The following ABCA13 variants were observed in gnomAD, a reference collection of about 807,000 sequenced individuals.
ABCA13 encodes ATP-binding cassette sub-family A member 13.
ABCA13 carries 476 observed loss-of-function variants against 478.7 expected under a neutral mutation model. The ratio of observed to expected loss-of-function variants is 0.99; its 90% confidence interval spans 0.92 to 1.07. The LOEUF is 1.07. ABCA13 is among the 50% of genes least tolerant of loss of function. The probability of loss-of-function intolerance (pLI) is 0.00; values close to 1 mark genes in which losing one functional copy is unlikely to be tolerated. For missense variants in ABCA13, 6,060 were observed against 5,910.6 expected (o/e 1.03, Z -0.83); for synonymous variants, 2,252 against 2,158.9 (o/e 1.04, Z -1.20).
chr7:48,612,982 TA>T (rs1792175390), intron 58 of ABCA13, among the ~76,000 whole-genome samples: 1 of 151,920 alleles, frequency 6.6e-6, no homozygotes, highest in African/African-American at 2.4e-5. Context: ...AGCAAGAAAA[TA>T]GTTTTAAAAT....
At chr7:48,249,391 TC>T in intron 15 of ABCA13, 40 bp downstream of exon 15, 1 of 1,606,746 alleles carries the variant, frequency 6.2e-7, no homozygotes, top group Non-Finnish European at 8.5e-7. Flanking sequence ...GGGGATGCTT[TC>T]CCCTTTTAGT....
At chr7:48,507,182 A>G (rs2130868893) in intron 49 of ABCA13, among the ~76,000 whole-genome samples, 1 of 152,262 alleles carries the variant, frequency 6.6e-6, no homozygotes, top group Non-Finnish European at 1.5e-5. Flanking sequence ...GCTAGCTGAC[A>G]TCTGTTGTAG....
intron 20 of ABCA13, among the ~76,000 whole-genome samples, chr7:48,294,440 T>TG (rs1799063245): frequency 7.5e-6 from 1 of 132,690 alleles, no homozygotes; most frequent in Admixed American, 7.5e-5. Flanking sequence ...TTTTTTTTTT[T>TG]TGTTTTGTTT....
At chr7:48,518,886 GT>G (rs1489491411) in intron 52 of ABCA13, among the ~76,000 whole-genome samples, 2 of 152,038 alleles carry the variant, frequency 1.3e-5, no homozygotes, top group African/African-American at 4.8e-5. Context: ...TGCCATGGTG[GT>G]TTGCTGCACC....
intron 29 of ABCA13, among the ~76,000 whole-genome samples, chr7:48,343,877 C>T (rs751274427): frequency 5.9e-5 from 9 of 152,218 alleles, no homozygotes; most frequent in South Asian, 2.1e-4. Flanking sequence ...AATCTGAAGA[C>T]GACAGCTCTT....
intron 55 of ABCA13, among the ~76,000 whole-genome samples, chr7:48,548,164 G>A (rs1784991267): frequency 6.6e-6 from 1 of 151,822 alleles, no homozygotes; most frequent in Non-Finnish European, 1.5e-5. Context: ...ATTTTCATTT[G>A]TTAGTTTTCA....
intron 60 of ABCA13, 37 bp downstream of exon 60, chr7:48,643,430 G>GC: frequency 6.7e-7 from 1 of 1,488,924 alleles, no homozygotes; most frequent in Non-Finnish European, 9.3e-7. Flanking sequence ...TTTGTTTTCA[G>GC]CTAAAAAAAA....
At chr7:48,440,133 G>A (rs1185401414) in intron 42 of ABCA13, among the ~76,000 whole-genome samples, 3 of 151,912 alleles carry the variant, frequency 2.0e-5, no homozygotes, top group Non-Finnish European at 4.4e-5. Context: ...AACATAAACT[G>A]CATACATCTT....
chr7:48,317,145 T>C lies in ABCA13; in HGVS notation c.9860-12T>C. The C allele has an allele frequency of 1.9e-6, 3 of 1,602,208 alleles. No homozygotes were observed. In the South Asian group the frequency reaches 3.4e-5, roughly 18 times the overall value. ...TCATTAGCAACTTTTTTTTTCTTTCTAATTGCAACAGCACCGTTTTGCTTG... is the reference window on the plus strand; with the variant it reads ...TCATTAGCAACTTTTTTTTTCTTTCCAATTGCAACAGCACCGTTTTGCTTG... On this transcript the variant is annotated splice_polypyrimidine_tract_variant and intron_variant, in intron 26 of 61. Transcript: ENST00000435803.
chr7:48,348,433 C>G (rs190161101), intron 29 of ABCA13, among the ~76,000 whole-genome samples: 75 of 152,348 alleles, frequency 4.9e-4, no homozygotes, highest in African/African-American at 1.7e-3. Context: ...GAAATGAAAA[C>G]TGCTGTGCAA....
At chr7:48,436,638 A>G (rs1418909259) in intron 42 of ABCA13, among the ~76,000 whole-genome samples, 2 of 151,806 alleles carry the variant, frequency 1.3e-5, no homozygotes, top group Non-Finnish European at 1.5e-5. Flanking sequence ...TTCTTCTCAT[A>G]TAAGAGAAGA....
intron 5 of ABCA13, among the ~76,000 whole-genome samples, chr7:48,222,919 G>A (rs574181800): frequency 5.0e-4 from 76 of 152,258 alleles, no homozygotes; most frequent in African/African-American, 1.6e-3. Flanking sequence ...GGGAGCCCAC[G>A]TAGGGAATCA....
intron 43 of ABCA13, among the ~76,000 whole-genome samples, chr7:48,459,519 C>T (rs1026056333): frequency 1.4e-4 from 21 of 152,186 alleles, no homozygotes; most frequent in Non-Finnish European, 2.4e-4. Context: ...CTTCAAAACC[C>T]GGCTCAGATG....
intron 53 of ABCA13, among the ~76,000 whole-genome samples, chr7:48,520,538 C>T (rs1201803628): frequency 1.3e-5 from 2 of 152,062 alleles, no homozygotes; most frequent in East Asian, 1.9e-4. Flanking sequence ...TTTGTCTCAG[C>T]ATATTTTCTT....
At chr7:48,243,729 G>A (rs1791235013) in intron 10 of ABCA13, among the ~76,000 whole-genome samples, 1 of 152,218 alleles carries the variant, frequency 6.6e-6, no homozygotes, top group Admixed American at 6.5e-5. Flanking sequence ...TGACCACTAT[G>A]GCACAGAAGT....
At chr7:48,348,203 C>T (rs1808399766) in intron 29 of ABCA13, among the ~76,000 whole-genome samples, 1 of 152,204 alleles carries the variant, frequency 6.6e-6, no homozygotes, top group African/African-American at 2.4e-5. Context: ...AGGGAAAGGC[C>T]TCACTGGTGG....
chr7:48,563,794 TTGTGTGTGTGTG>T (rs200813371), intron 55 of ABCA13, among the ~76,000 whole-genome samples: 15 of 101,636 alleles, frequency 1.5e-4, no homozygotes, highest in African/African-American at 3.3e-4. Flanking sequence ...TGTTTACTGC[TTGTGTGTGTGTG>T]TGTGTGTGTG....
At chr7:48,607,631 T>C (rs1401239909) in intron 58 of ABCA13, among the ~76,000 whole-genome samples, 1 of 152,218 alleles carries the variant, frequency 6.6e-6, no homozygotes, top group African/African-American at 2.4e-5. Flanking sequence ...TGACTGCTTT[T>C]TCCTCCCCAG....
At chr7:48,428,317 C>A (rs963330319) in intron 42 of ABCA13, among the ~76,000 whole-genome samples, 1 of 152,142 alleles carries the variant, frequency 6.6e-6, no homozygotes, top group African/African-American at 2.4e-5. Flanking sequence ...CCCTTTGGGA[C>A]CAAATCATGG....
Sources: gnomAD v4.1 joint callset for allele counts (sites outside exome capture counted in the v4.1 genomes callset) on GRCh38, gnomAD v4.1.1 for gene constraint, MANE v1.5 for transcripts, NCBI Gene and HGNC (gene_info 2026-07-23, HGNC 2026-07-21) for gene names.